Variants in MECOM observed in about 807,000 individuals in gnomAD.
The protein encoded by MECOM is MDS1 and EVI1 complex locus.
Under a neutral mutation model 116.3 loss-of-function variants are expected in MECOM, and 13 were observed. That is an observed-to-expected ratio of 0.11 (90% CI 0.07 to 0.18). MECOM has a LOEUF of 0.18. Among genes scored for constraint, MECOM ranks in the 10% least tolerant of loss-of-function variants. MECOM has a pLI of 1.00. For missense variants in MECOM, 1,299 were observed against 1,509.0 expected, an observed-to-expected ratio of 0.86 and a Z score of 2.31; for synonymous variants, 528 against 535.2, an observed-to-expected ratio of 0.99 and a Z score of 0.19.
intron 1 of MECOM, among the ~76,000 whole-genome samples, chr3:169,569,715 T>G (rs1465318494): frequency 6.6e-5 from 10 of 152,142 alleles, no homozygotes; most frequent in Admixed American, 6.5e-4. Context: ...CTGAACAACC[T>G]GCTCCTGAAG....
chr3:169,164,800 T>G (rs1260629572), intron 2 of MECOM, among the ~76,000 whole-genome samples: 1 of 152,196 alleles, frequency 6.6e-6, no homozygotes, highest in Non-Finnish European at 1.5e-5. Context: ...TTGTTAGTGG[T>G]GGTTTCCTCC....
chr3:169,561,823 A>G (rs989786746), intron 1 of MECOM, among the ~76,000 whole-genome samples: 2 of 152,116 alleles, frequency 1.3e-5, no homozygotes, highest in Non-Finnish European at 2.9e-5. Flanking sequence ...TTTTTTCTTA[A>G]TATTTAACAT....
intron 2 of MECOM, among the ~76,000 whole-genome samples, chr3:169,305,761 T>C (rs2149720399): frequency 6.6e-6 from 1 of 152,194 alleles, no homozygotes; most frequent in South Asian, 2.1e-4. Context: ...CACAGAAGAG[T>C]TTGTTCCTTA....
rs149264375 is a variant in MECOM at position 169,295,674 on chromosome 3, T to C, written c.375+85513A>G. 5.3e-3 allele frequency among the ~76,000 whole-genome samples: 802 copies of C among 152,268 alleles called. 2 individuals are homozygous for C. Among genetic ancestry groups the C allele is most frequent in the African/African-American group, 0.018 (765 of 41,552 alleles). The stretch of plus-strand genomic sequence containing the variant: ...AATGTTACCTACCTATCCTCAAATA[T>C]CTGGGGAAAACTTCATTTCTTCTTC... On this transcript the variant is annotated intron_variant, in intron 2 of 16. Coordinates refer to ENST00000651503, the MANE Select transcript of MECOM (RefSeq NM_004991.4).
At chr3:169,585,227 A>G (rs1765646729) in intron 1 of MECOM, among the ~76,000 whole-genome samples, 1 of 152,170 alleles carries the variant, frequency 6.6e-6, no homozygotes, top group Non-Finnish European at 1.5e-5. Context: ...ATCATTACCA[A>G]ATGTATGGTT....
intron 1 of MECOM, among the ~76,000 whole-genome samples, chr3:169,604,221 A>ATC (rs148922198): frequency 1.2e-3 from 171 of 146,728 alleles, no homozygotes; most frequent in Non-Finnish European, 1.9e-3. Context: ...AGAGAGAGAA[A>ATC]TCTCTCTCTC....
intron 2 of MECOM, among the ~76,000 whole-genome samples, chr3:169,231,976 T>C (rs1484203953): frequency 1.3e-5 from 2 of 152,148 alleles, no homozygotes; most frequent in Non-Finnish European, 2.9e-5. Flanking sequence ...CATTTGAGAC[T>C]GGATGATGTC....
chr3:169,662,396 G>C lies in MECOM; in HGVS notation c.37+940C>G, dbSNP rs142612707. 8.3e-3 allele frequency among the ~76,000 whole-genome samples: 1,258 copies of C among 152,282 alleles called. 17 individuals are homozygous for C. The highest frequency in any genetic ancestry group is 0.028 in the African/African-American group (1,170 of 41,558). ...GCAAGCCCGAGGTGCGCGGGTCGCAGCGCGCCCTCTCTGCCTCCTGCTCCT... is the reference window on the plus strand; with the variant it reads ...GCAAGCCCGAGGTGCGCGGGTCGCACCGCGCCCTCTCTGCCTCCTGCTCCT... On this transcript the variant is annotated intron_variant, in intron 1 of 16. Transcript: ENST00000651503.
chr3:169,160,209 A>T (rs1040285256), intron 2 of MECOM, among the ~76,000 whole-genome samples: 3 of 152,180 alleles, frequency 2.0e-5, no homozygotes, highest in Non-Finnish European at 2.9e-5. Flanking sequence ...AAGTGATAGG[A>T]ATACAAATTC....
At chr3:169,519,773 T>C (rs927178068) in intron 1 of MECOM, among the ~76,000 whole-genome samples, 29 of 152,370 alleles carry the variant, frequency 1.9e-4, no homozygotes, top group Non-Finnish European at 3.7e-4. Context: ...CTAAAACAAA[T>C]GCTCTTGATT....
intron 7 of MECOM, 119 bp from the exon 8 acceptor site, chr3:169,116,858 G>T: frequency 7.8e-7 from 1 of 1,281,028 alleles, no homozygotes; most frequent in Non-Finnish European, 1.0e-6. Flanking sequence ...GACATTGGAG[G>T]CACCAATCTG....
At chr3:169,429,831 T>C (rs1361335366) in intron 1 of MECOM, among the ~76,000 whole-genome samples, 1 of 152,110 alleles carries the variant, frequency 6.6e-6, no homozygotes, top group Non-Finnish European at 1.5e-5. Context: ...GAAGATCAAA[T>C]AAGATATTGT....
At chr3:169,661,639 T>C (rs1351301161) in intron 1 of MECOM, among the ~76,000 whole-genome samples, 1 of 152,160 alleles carries the variant, frequency 6.6e-6, no homozygotes, top group Non-Finnish European at 1.5e-5. Flanking sequence ...GCGCCTGGGA[T>C]GACAGCATCT....
intron 2 of MECOM, among the ~76,000 whole-genome samples, chr3:169,161,580 G>T (rs1293007597): frequency 6.6e-6 from 1 of 152,122 alleles, no homozygotes; most frequent in Non-Finnish European, 1.5e-5. Flanking sequence ...GGTAAAGAGA[G>T]AAGATAAATA....
chr3:169,472,051 TAA>T (rs1749334135), intron 1 of MECOM, among the ~76,000 whole-genome samples: 2 of 152,244 alleles, frequency 1.3e-5, no homozygotes, highest in African/African-American at 2.4e-5. Context: ...GCAAGGATCC[TAA>T]GAGTGTTTCT....
intron 2 of MECOM, among the ~76,000 whole-genome samples, chr3:169,174,445 A>G (rs1744862537): frequency 6.6e-6 from 1 of 152,192 alleles, no homozygotes; most frequent in Non-Finnish European, 1.5e-5. Context: ...GACTACAAGG[A>G]CAGGTAGAAA....
At chr3:169,434,562 T>A (rs898209732) in intron 1 of MECOM, among the ~76,000 whole-genome samples, 3 of 152,074 alleles carry the variant, frequency 2.0e-5, no homozygotes, top group Non-Finnish European at 4.4e-5. Context: ...TCATGGACTA[T>A]CAAAATGAAA....
At chr3:169,129,408 T>C (rs1208835002) in intron 4 of MECOM, among the ~76,000 whole-genome samples, 2 of 18,204 alleles carry the variant, frequency 1.1e-4, no homozygotes, top group East Asian at 9.7e-3. Context: ...ACTTGGTTTT[T>C]AGAAGAATTT....
chr3:169,606,556 G>A (rs1768587185), intron 1 of MECOM, among the ~76,000 whole-genome samples: 2 of 152,168 alleles, frequency 1.3e-5, no homozygotes, highest in Non-Finnish European at 2.9e-5. Flanking sequence ...AGACTAAGCT[G>A]CTGAAACAAA....
Sources: gnomAD v4.1 joint callset for allele counts (sites outside exome capture counted in the v4.1 genomes callset) on GRCh38, gnomAD v4.1.1 for gene constraint, MANE v1.5 for transcripts, NCBI Gene and HGNC (gene_info 2026-07-23, HGNC 2026-07-21) for gene names.